Variants in C11orf65 observed in about 807,000 individuals in gnomAD.
C11orf65 encodes protein MFI.
In C11orf65, 38 loss-of-function variants were observed where a neutral mutation model predicts 35.3. The observed-to-expected ratio is 1.08, with a 90% CI of 0.83 to 1.41. The LOEUF is 1.41. Among genes scored for constraint, C11orf65 ranks in the 40% most tolerant of loss-of-function variants. The pLI is 0.00. For synonymous variants in C11orf65, 105 were observed against 114.4 expected, an observed-to-expected ratio of 0.92 and a Z score of 0.53; for missense variants, 370 against 367.1, an observed-to-expected ratio of 1.01 and a Z score of -0.06.
At chr11:108,363,005 C>A (rs1003395595) in intron 2 of C11orf65, among the ~76,000 whole-genome samples, 1 of 152,046 alleles carries the variant, frequency 6.6e-6, no homozygotes, top group African/African-American at 2.4e-5. Flanking sequence ...AAAACACACC[C>A]TCCAATGCTT....
At chr11:108,396,715 T>C (rs576407135) in intron 6 of C11orf65, among the ~76,000 whole-genome samples, 1 of 151,654 alleles carries the variant, frequency 6.6e-6, no homozygotes, top group African/African-American at 2.4e-5. Context: ...GTGCTTGTAG[T>C]CCCAGCTACT....
chr11:108,372,508 T>C (rs976850633), intron 2 of C11orf65, among the ~76,000 whole-genome samples: 9 of 152,220 alleles, frequency 5.9e-5, no homozygotes, highest in African/African-American at 2.2e-4. Flanking sequence ...TTCTTATTTC[T>C]TAAACAGTGT....
At chr11:108,343,099 G>T (rs2136931238) in intron 2 of C11orf65, 4 of 1,239,700 alleles carry the variant, frequency 3.2e-6, no homozygotes, top group Non-Finnish European at 3.5e-6. Flanking sequence ...TGTCTTCTAT[G>T]GACAGAGAAA....
intron 6 of C11orf65, chr11:108,319,893 A>T (rs2136216331): frequency 8.4e-7 from 1 of 1,185,354 alleles, no homozygotes; most frequent in East Asian, 2.3e-5. Context: ...GAAGCTATTT[A>T]TACATGTATA....
chr11:108,372,812 C>T (rs185163339), intron 2 of C11orf65, among the ~76,000 whole-genome samples: 15 of 152,244 alleles, frequency 9.9e-5, no homozygotes, highest in Non-Finnish European at 1.9e-4. Flanking sequence ...ATGCCGGGCA[C>T]ACATCTGTAA....
intron 6 of C11orf65, among the ~76,000 whole-genome samples, chr11:108,315,081 C>CA (rs767690836): frequency 5.9e-5 from 9 of 152,154 alleles, no homozygotes; most frequent in Non-Finnish European, 1.2e-4. Flanking sequence ...GCAGTAAACA[C>CA]AGTGAAAAAA....
At position 108,446,008 on chromosome 11, in the gene C11orf65, G is replaced by A. The variant is rs572239288; in HGVS notation, c.82-14170C>T. ...CCTCAGGAGCCGACGCGATCAACTG[G>A]AAGAAAGGGTATCAGTGATGGAAGA... On this transcript the variant is annotated intron_variant, in intron 2 of 8. Transcript: ENST00000393084. Among the ~76,000 whole-genome samples, 282 of 152,258 alleles carry A rather than the reference G, an allele frequency of 1.9e-3. 2 individuals are homozygous for A. The highest frequency in any genetic ancestry group is 3.5e-3 in the Non-Finnish European group (241 of 68,026).
chr11:108,398,732 C>T (rs1203475143), intron 6 of C11orf65, among the ~76,000 whole-genome samples: 6 of 152,136 alleles, frequency 3.9e-5, no homozygotes, highest in Admixed American at 6.5e-5. Flanking sequence ...TTTTGTTGTT[C>T]TCAGCCTGTA....
intron 2 of C11orf65, among the ~76,000 whole-genome samples, chr11:108,456,027 T>C (rs181581045): frequency 9.9e-5 from 15 of 151,858 alleles, no homozygotes; most frequent in Admixed American, 9.8e-4. Context: ...TGGTGACCCA[T>C]GCCTGTAGTC....
At chr11:108,317,327 G>A (rs773066283) in intron 6 of C11orf65, 3 of 1,580,846 alleles carry the variant, frequency 1.9e-6, no homozygotes, top group Non-Finnish European at 2.6e-6. Flanking sequence ...GTTTTCTGTT[G>A]ATATCTTTGA....
At chr11:108,397,502 C>G (rs1333757415) in intron 6 of C11orf65, among the ~76,000 whole-genome samples, 3 of 151,796 alleles carry the variant, frequency 2.0e-5, no homozygotes, top group African/African-American at 7.3e-5. Context: ...CAACAAAGAC[C>G]TAGGAAGAAT....
intron 2 of C11orf65, chr11:108,365,575 C>T (rs2137937212): frequency 2.0e-6 from 3 of 1,529,868 alleles, no homozygotes; most frequent in Admixed American, 3.8e-5. Context: ...TATTTTTAAC[C>T]TGCCAACATA....
chr11:108,459,770 C>CACACACAT (rs3221698), intron 2 of C11orf65, among the ~76,000 whole-genome samples: 1 of 140,506 alleles, frequency 7.1e-6, no homozygotes, highest in Non-Finnish European at 1.6e-5. Flanking sequence ...CACACACACA[C>CACACACAT]CTCTTTATTT....
chr11:108,372,512 AC>A (rs2091600314), intron 2 of C11orf65, among the ~76,000 whole-genome samples: 1 of 152,190 alleles, frequency 6.6e-6, no homozygotes. Context: ...TATTTCTTAA[AC>A]AGTGTTTTTA....
chr11:108,356,531 T>C (rs1343959277), intron 2 of C11orf65, among the ~76,000 whole-genome samples: 1 of 144,920 alleles, frequency 6.9e-6, no homozygotes. Flanking sequence ...AGCAAGACTC[T>C]GTCTGTCTTA....
chr11:108,419,465 A>G (rs1565672382), intron 3 of C11orf65, among the ~76,000 whole-genome samples: 1 of 152,218 alleles, frequency 6.6e-6, no homozygotes, highest in African/African-American at 2.4e-5. Flanking sequence ...TCAAAGGCCA[A>G]GGCAGGAGGA....
intron 2 of C11orf65, chr11:108,368,185 C>T (rs900515200): frequency 9.8e-6 from 2 of 203,892 alleles, no homozygotes; most frequent in Non-Finnish European, 2.0e-5. Context: ...AACTAATTCA[C>T]AGATGACAGA....
At chr11:108,349,987 G>T (rs528422403) in intron 2 of C11orf65, among the ~76,000 whole-genome samples, 1 of 152,122 alleles carries the variant, frequency 6.6e-6, no homozygotes, top group Non-Finnish European at 1.5e-5. Flanking sequence ...ATTTGCTATT[G>T]TGTTTTTGCT....
At chr11:108,342,671 C>A (rs769875148) in intron 2 of C11orf65, among the ~76,000 whole-genome samples, 1 of 152,024 alleles carries the variant, frequency 6.6e-6, no homozygotes, top group Non-Finnish European at 1.5e-5. Context: ...ATTTTCTATA[C>A]TTTATGTATG....
Sources: gnomAD v4.1 joint callset for allele counts (sites outside exome capture counted in the v4.1 genomes callset) on GRCh38, gnomAD v4.1.1 for gene constraint, MANE v1.5 for transcripts, NCBI Gene and HGNC (gene_info 2026-07-23, HGNC 2026-07-21) for gene names.